Variants in NOS1AP observed in about 807,000 individuals in gnomAD.
The protein encoded by NOS1AP is carboxyl-terminal PDZ ligand of neuronal nitric oxide synthase protein.
Under a neutral mutation model 56.2 loss-of-function variants are expected in NOS1AP, and 21 were observed. The observed-to-expected ratio is 0.37, with a 90% CI of 0.26 to 0.54. The LOEUF is 0.54. NOS1AP is among the 20% of genes least tolerant of loss of function. The pLI, the probability that NOS1AP is intolerant of heterozygous loss-of-function variation, is 0.84. For missense variants in NOS1AP, 522 were observed against 657.8 expected (o/e 0.79, Z 2.26); for synonymous variants, 270 against 274.6 (o/e 0.98, Z 0.17).
chr1:162,119,378 T>C, intron 1 of NOS1AP, among the ~76,000 whole-genome samples: 1 of 152,186 alleles, frequency 6.6e-6, no homozygotes, highest in East Asian at 1.9e-4. Context: ...AGACATATTC[T>C]GCAAGCATTG....
rs72713846 is a variant in NOS1AP, at chr1:162,091,653, A to G, written c.105+21371A>G. On this transcript the variant is annotated intron_variant, in intron 1 of 9. Coordinates refer to ENST00000361897, the MANE Select transcript of NOS1AP (RefSeq NM_014697.3). Reference sequence around the variant, plus strand: ...GCAAAACATATAAAGATTTGAGAACATAGGATAAGGAATGAATAAATCCTG... The same window carrying G: ...GCAAAACATATAAAGATTTGAGAACGTAGGATAAGGAATGAATAAATCCTG... 8.6e-3 allele frequency among the ~76,000 whole-genome samples: 1,308 copies of G among 152,348 alleles called. 12 individuals carry two copies. The highest frequency in any genetic ancestry group is 0.022 in the South Asian group (108 of 4,832).
intron 8 of NOS1AP, chr1:162,360,932 A>T (rs1163366640): frequency 4.4e-6 from 2 of 456,574 alleles, no homozygotes; most frequent in Admixed American, 4.7e-5. Flanking sequence ...CAGGCAAGTA[A>T]GCTGGAGAGT....
chr1:162,162,551 C>T (rs1045315173), intron 2 of NOS1AP, among the ~76,000 whole-genome samples: 5 of 152,188 alleles, frequency 3.3e-5, no homozygotes, highest in African/African-American at 9.7e-5. Context: ...TATTCCTCTG[C>T]CAAACCCAAG....
chr1:162,355,169 C>A lies in NOS1AP; in HGVS notation c.596-18C>A. The A allele has an allele frequency of 6.2e-7, 1 of 1,613,928 alleles. No individual in the cohort carries two copies. Among genetic ancestry groups the A allele is most frequent in the Non-Finnish European group, 8.5e-7 (1 of 1,179,980 alleles). ...GGTGTTTTCATTCTCTTCCCTCCCT[C>A]CCCTGTTGTTCCTGCAGGCCGCCAG... On this transcript the variant is annotated intron_variant, in intron 6 of 9. Transcript: ENST00000361897.
intron 2 of NOS1AP, among the ~76,000 whole-genome samples, chr1:162,270,176 C>T (rs1654541243): frequency 6.6e-6 from 1 of 152,148 alleles, no homozygotes; most frequent in South Asian, 2.1e-4. Flanking sequence ...ATCATAGTTA[C>T]TTGTATACTT....
chr1:162,294,375 ATTCTC>A (rs1571197827), intron 3 of NOS1AP, among the ~76,000 whole-genome samples: 2 of 152,136 alleles, frequency 1.3e-5, no homozygotes, highest in Admixed American at 6.5e-5. Context: ...GTATCCCTCC[ATTCTC>A]AGTCACTGGC....
At chr1:162,237,996 T>C (rs1410065591) in intron 2 of NOS1AP, among the ~76,000 whole-genome samples, 1 of 152,132 alleles carries the variant, frequency 6.6e-6, no homozygotes, top group East Asian at 1.9e-4. Context: ...GCAGAGCTGC[T>C]GTCGTGGTGG....
rs557412153 is a variant in NOS1AP, at chr1:162,250,438, C to T, written c.178-36906C>T. On this transcript the variant is annotated intron_variant, in intron 2 of 9. Coordinates refer to ENST00000361897, the MANE Select transcript of NOS1AP (RefSeq NM_014697.3). ...TTTTAGCCAACATTTGGAAGCAAAA[C>T]AGCAGCAGAAGCAGGCGAATCCATT... 4.6e-5 allele frequency among the ~76,000 whole-genome samples: 7 copies of T among 152,346 alleles called. No individual in the cohort carries two copies. In the South Asian group the frequency reaches 1.4e-3, roughly 32 times the overall value.
rs1156969337 is a variant in NOS1AP at position 162,317,907 on chromosome 1, A to G, written c.345-15110A>G. On this transcript the variant is annotated intron_variant, in intron 4 of 9. Transcript: ENST00000361897. ...CTGACCTCTTGCCTTAACCAGCCCCACTCCTACTTCCACATCAAAACGGCA... is the reference window on the plus strand; with the variant it reads ...CTGACCTCTTGCCTTAACCAGCCCCGCTCCTACTTCCACATCAAAACGGCA... 2.6e-5 allele frequency: 4 copies of G among 151,922 alleles called. No homozygotes were observed. The East Asian group carries it at 7.7e-4, about 29-fold the overall frequency. The allele number at this position is 151,922 out of a possible 1,614,324, so 9.4% of individuals were successfully genotyped here.
chr1:162,167,938 A>C (rs528804431), intron 2 of NOS1AP, among the ~76,000 whole-genome samples: 5 of 146,654 alleles, frequency 3.4e-5, no homozygotes, highest in Admixed American at 7.0e-5. Flanking sequence ...AACTGGTTTT[A>C]TTTCTTTTAG....
At chr1:162,352,699 G>T (rs1013033472) in intron 6 of NOS1AP, among the ~76,000 whole-genome samples, 1 of 152,048 alleles carries the variant, frequency 6.6e-6, no homozygotes, top group South Asian at 2.1e-4. Flanking sequence ...GAAAGAGAGG[G>T]ATCTCCTACA....
intron 2 of NOS1AP, among the ~76,000 whole-genome samples, chr1:162,155,509 A>G (rs932425494): frequency 2.6e-5 from 4 of 151,600 alleles, no homozygotes; most frequent in African/African-American, 9.7e-5. Context: ...TTTTAAGAGC[A>G]AATGTGAGAT....
intron 1 of NOS1AP, among the ~76,000 whole-genome samples, chr1:162,094,525 T>C (rs1247728493): frequency 6.6e-6 from 1 of 152,182 alleles, no homozygotes; most frequent in Non-Finnish European, 1.5e-5. Context: ...AACACAGTCA[T>C]GTTGATGGAT....
chr1:162,225,171 C>T (rs1652900975), intron 2 of NOS1AP, among the ~76,000 whole-genome samples: 1 of 152,176 alleles, frequency 6.6e-6, no homozygotes, highest in Admixed American at 6.5e-5. Context: ...GAGCAGAGTC[C>T]TCCTAGGGTA....
At chr1:162,301,611 C>T (rs1655665514) in intron 4 of NOS1AP, among the ~76,000 whole-genome samples, 1 of 152,142 alleles carries the variant, frequency 6.6e-6, no homozygotes, top group Non-Finnish European at 1.5e-5. Flanking sequence ...AAGAATATAT[C>T]AGATAGCAAG....
intron 2 of NOS1AP, among the ~76,000 whole-genome samples, chr1:162,284,051 G>A (rs749258307): frequency 1.3e-5 from 2 of 152,238 alleles, no homozygotes; most frequent in Non-Finnish European, 2.9e-5. Flanking sequence ...TGCCCAGGCA[G>A]TGCTCCACCT....
At chr1:162,347,007 A>G (rs1657317182) in intron 6 of NOS1AP, among the ~76,000 whole-genome samples, 1 of 152,212 alleles carries the variant, frequency 6.6e-6, no homozygotes, top group South Asian at 2.1e-4. Flanking sequence ...ACAGAGAGAT[A>G]GATAGACTTT....
At chr1:162,360,507 A>G (rs1362408308) in intron 8 of NOS1AP, 5 of 284,850 alleles carry the variant, frequency 1.8e-5, no homozygotes, top group Non-Finnish European at 2.8e-5. Context: ...ACAGTTTGCC[A>G]ATTCCCAGCC....
chr1:162,258,052 C>T (rs1481519599), intron 2 of NOS1AP, among the ~76,000 whole-genome samples: 3 of 152,020 alleles, frequency 2.0e-5, no homozygotes, highest in Admixed American at 6.6e-5. Context: ...CTCCAGTGCT[C>T]ATTTCCTCCA....
Sources: gnomAD v4.1 joint callset for allele counts (sites outside exome capture counted in the v4.1 genomes callset) on GRCh38, gnomAD v4.1.1 for gene constraint, MANE v1.5 for transcripts, NCBI Gene and HGNC (gene_info 2026-07-23, HGNC 2026-07-21) for gene names.